LYRM4: variants seen among roughly 807,000 people sequenced by gnomAD.
LYRM4 encodes LYR motif-containing protein 4.
Under a neutral mutation model 11.7 loss-of-function variants are expected in LYRM4, and 9 were observed. The observed-to-expected ratio is 0.77, with a 90% CI of 0.46 to 1.34. The LOEUF is 1.34. LYRM4 is among the 40% of genes most tolerant of loss of function. The pLI is 0.00. For synonymous variants in LYRM4, 42 were observed against 40.4 expected (o/e 1.04, Z -0.15); for missense variants, 133 against 112.5 (o/e 1.18, Z -0.82).
At chr6:5,109,622 C>T in intron 2 of LYRM4, 131 bp from the exon 3 acceptor site, 1 of 845,528 alleles carries the variant, frequency 1.2e-6, no homozygotes, top group Non-Finnish European at 1.9e-6. Context: ...CCGGCAACTG[C>T]ACTGCGGGGC....
At chr6:5,191,216 G>A (rs907182362) in intron 2 of LYRM4, among the ~76,000 whole-genome samples, 13 of 152,190 alleles carry the variant, frequency 8.5e-5, no homozygotes, top group African/African-American at 2.9e-4. Context: ...GAGAGAATGG[G>A]GTCACATGAG....
At chr6:5,122,154 C>G (rs1763486380) in intron 2 of LYRM4, among the ~76,000 whole-genome samples, 1 of 152,322 alleles carries the variant, frequency 6.6e-6, no homozygotes, top group Non-Finnish European at 1.5e-5. Context: ...CCCCAGAAGA[C>G]TTGTTTGCAG....
chr6:5,199,608 A>G (rs1050402984), intron 2 of LYRM4, among the ~76,000 whole-genome samples: 3 of 152,212 alleles, frequency 2.0e-5, no homozygotes, highest in Non-Finnish European at 4.4e-5. Flanking sequence ...ACCAGACTGA[A>G]ACTGTCACAG....
At chr6:5,119,000 A>C (rs891475708) in intron 2 of LYRM4, among the ~76,000 whole-genome samples, 1 of 152,238 alleles carries the variant, frequency 6.6e-6, no homozygotes, top group African/African-American at 2.4e-5. Flanking sequence ...GAATACTGAA[A>C]CTTCAATCTC....
intron 1 of LYRM4, among the ~76,000 whole-genome samples, chr6:5,237,983 G>A (rs1405810718): frequency 6.6e-6 from 1 of 152,110 alleles, no homozygotes; most frequent in Non-Finnish European, 1.5e-5. Flanking sequence ...ACTAATCATG[G>A]TCCTCTCCCT....
intron 2 of LYRM4, 77 bp from the exon 3 acceptor site, chr6:5,109,568 A>C: frequency 7.0e-7 from 1 of 1,437,642 alleles, no homozygotes; most frequent in Non-Finnish European, 9.8e-7. Context: ...AACATTTCCT[A>C]ACATTTCTAA....
intron 2 of LYRM4, among the ~76,000 whole-genome samples, chr6:5,158,785 C>A (rs1028852044): frequency 1.3e-5 from 2 of 152,094 alleles, no homozygotes; most frequent in African/African-American, 4.8e-5. Flanking sequence ...GTCTGCAGGT[C>A]TTGAGGTCAT....
At chr6:5,128,624 A>C (rs1005378725) in intron 2 of LYRM4, among the ~76,000 whole-genome samples, 1 of 152,218 alleles carries the variant, frequency 6.6e-6, no homozygotes, top group African/African-American at 2.4e-5. Context: ...CATTTGGAGA[A>C]GATGCTTCCC....
chr6:5,118,094 A>ATATATTT, intron 2 of LYRM4, among the ~76,000 whole-genome samples: 2 of 86,126 alleles, frequency 2.3e-5, no homozygotes, highest in African/African-American at 3.9e-5. Context: ...ATATATATAT[A>ATATATTT]TTTTTGTTTT....
chr6:5,161,856 T>G (rs1758777470), intron 2 of LYRM4, among the ~76,000 whole-genome samples: 1 of 152,136 alleles, frequency 6.6e-6, no homozygotes, highest in South Asian at 2.1e-4. Flanking sequence ...GCAAGAGCTC[T>G]CTCTGCTGAG....
intron 2 of LYRM4, among the ~76,000 whole-genome samples, chr6:5,199,383 G>A (rs955452217): frequency 2.0e-5 from 3 of 152,104 alleles, no homozygotes; most frequent in Non-Finnish European, 4.4e-5. Context: ...GGGAAAATGG[G>A]GAGTCACAGC....
chr6:5,165,234 T>C (rs1317600332), intron 2 of LYRM4, among the ~76,000 whole-genome samples: 1 of 152,224 alleles, frequency 6.6e-6, no homozygotes, highest in East Asian at 1.9e-4. Context: ...TGATCACTTA[T>C]TGTTCCTACC....
chr6:5,052,835 C>G, the LYRM4 span, among the ~76,000 whole-genome samples: 1 of 152,346 alleles, frequency 6.6e-6, no homozygotes, highest in East Asian at 1.9e-4. Context: ...CCTGCACTCT[C>G]TATGCTTCAC....
At chr6:5,177,031 C>A (rs1759758441) in intron 2 of LYRM4, among the ~76,000 whole-genome samples, 1 of 152,212 alleles carries the variant, frequency 6.6e-6, no homozygotes, top group Admixed American at 6.5e-5. Flanking sequence ...AGATCCCCTA[C>A]TGTGTAAATG....
At chr6:5,226,548 C>T (rs962696008) in intron 1 of LYRM4, among the ~76,000 whole-genome samples, 1 of 152,162 alleles carries the variant, frequency 6.6e-6, no homozygotes, top group Non-Finnish European at 1.5e-5. Context: ...CCATGCCCGG[C>T]TAATTTTTAG....
At chr6:5,213,163 G>C (rs1762073494) in intron 2 of LYRM4, among the ~76,000 whole-genome samples, 1 of 152,196 alleles carries the variant, frequency 6.6e-6, no homozygotes, top group South Asian at 2.1e-4. Flanking sequence ...GAACTTCTGA[G>C]TTTGCTCTAA....
At chr6:5,042,046 A>T in the LYRM4 span, among the ~76,000 whole-genome samples, 1 of 152,314 alleles carries the variant, frequency 6.6e-6, no homozygotes, top group East Asian at 1.9e-4. Context: ...CTGAGTACTG[A>T]TCTAAGATGC....
chr6:5,145,340 G>A (rs1473024833), intron 2 of LYRM4, among the ~76,000 whole-genome samples: 1 of 152,254 alleles, frequency 6.6e-6, no homozygotes, highest in African/African-American at 2.4e-5. Flanking sequence ...GCACGCGCCT[G>A]TGTAAGTGCC....
At chr6:5,118,000 A>C (rs1253534548) in intron 2 of LYRM4, among the ~76,000 whole-genome samples, 1 of 151,746 alleles carries the variant, frequency 6.6e-6, no homozygotes, top group East Asian at 1.9e-4. Context: ...CATATTTTTA[A>C]GACACTGCAC....
Sources: gnomAD v4.1 joint callset for allele counts (sites outside exome capture counted in the v4.1 genomes callset) on GRCh38, gnomAD v4.1.1 for gene constraint, MANE v1.5 for transcripts, NCBI Gene and HGNC (gene_info 2026-07-23, HGNC 2026-07-21) for gene names.